The following CTNNA3 variants were observed in gnomAD, a reference collection of about 807,000 sequenced individuals.
The protein encoded by CTNNA3 is catenin alpha-3.
In CTNNA3, 76 loss-of-function variants were observed where a neutral mutation model predicts 95.7. That is an observed-to-expected ratio of 0.79 (90% CI 0.66 to 0.96). The LOEUF is 0.96. Ranked by LOEUF, CTNNA3 falls within the 40% of genes least tolerant of loss-of-function variation. CTNNA3 has a pLI of 0.00. For missense variants in CTNNA3, 1,191 were observed against 1,089.8 expected (o/e 1.09, Z -1.31); for synonymous variants, 431 against 374.4 (o/e 1.15, Z -1.74).
chr10:67,562,911 A>G (rs1441164728), intron 3 of CTNNA3, among the ~76,000 whole-genome samples: 1 of 152,160 alleles, frequency 6.6e-6, no homozygotes, highest in East Asian at 1.9e-4. Flanking sequence ...AGAATAAAAT[A>G]CCTAGGAATC....
intron 6 of CTNNA3, among the ~76,000 whole-genome samples, chr10:67,205,443 T>C (rs1183679419): frequency 1.3e-5 from 2 of 152,196 alleles, no homozygotes; most frequent in African/African-American, 2.4e-5. Context: ...CAAACTCTCA[T>C]ATATTTATAG....
intron 11 of CTNNA3, among the ~76,000 whole-genome samples, chr10:66,395,886 G>A (rs770916950): frequency 4.6e-5 from 7 of 151,874 alleles, no homozygotes; most frequent in African/African-American, 1.2e-4. Flanking sequence ...CATCACCCAC[G>A]TAGCAAAAAT....
intron 7 of CTNNA3, among the ~76,000 whole-genome samples, chr10:66,946,427 C>A (rs1848279615): frequency 6.6e-6 from 1 of 152,046 alleles, no homozygotes; most frequent in Non-Finnish European, 1.5e-5. Context: ...GAGAAAAGTG[C>A]ACATATGGTC....
intron 13 of CTNNA3, among the ~76,000 whole-genome samples, chr10:66,272,155 T>C (rs1254890493): frequency 1.3e-5 from 2 of 152,190 alleles, no homozygotes. Context: ...GCTATTGGCC[T>C]TTTACGAAGT....
chr10:67,008,756 T>C (rs1175740136), intron 7 of CTNNA3, among the ~76,000 whole-genome samples: 1 of 152,162 alleles, frequency 6.6e-6, no homozygotes, highest in East Asian at 1.9e-4. Flanking sequence ...TATTCACAAG[T>C]GGTAGCCTCA....
intron 5 of CTNNA3, among the ~76,000 whole-genome samples, chr10:67,306,131 T>A (rs565194505): frequency 2.0e-5 from 3 of 152,202 alleles, no homozygotes; most frequent in East Asian, 3.9e-4. Flanking sequence ...TTAAAAAAGC[T>A]TAACAGTCAG....
chr10:67,159,365 A>G (rs1365560977), intron 7 of CTNNA3, among the ~76,000 whole-genome samples: 1 of 152,162 alleles, frequency 6.6e-6, no homozygotes, highest in Non-Finnish European at 1.5e-5. Flanking sequence ...AGTGTCTGAG[A>G]GGTTTTGTCT....
chr10:67,259,903 T>C (rs565255275), intron 5 of CTNNA3, among the ~76,000 whole-genome samples: 1 of 152,300 alleles, frequency 6.6e-6, no homozygotes, highest in East Asian at 1.9e-4. Context: ...ACACCTCCTC[T>C]ACTGTTCTGC....
chr10:67,001,567 TTATAA>T (rs1410425088), intron 7 of CTNNA3, among the ~76,000 whole-genome samples: 6 of 152,052 alleles, frequency 3.9e-5, no homozygotes, highest in Non-Finnish European at 7.4e-5. Flanking sequence ...TTAAAAAACC[TTATAA>T]TATATCATTA....
chr10:67,161,012 G>C (rs899393095), intron 7 of CTNNA3, among the ~76,000 whole-genome samples: 2 of 152,146 alleles, frequency 1.3e-5, no homozygotes, highest in African/African-American at 4.8e-5. Flanking sequence ...AGAATGGTGG[G>C]TGCTAGGGGA....
chr10:66,291,251 G>A (rs1291301671), intron 12 of CTNNA3, among the ~76,000 whole-genome samples: 1 of 152,134 alleles, frequency 6.6e-6, no homozygotes, highest in East Asian at 1.9e-4. Flanking sequence ...GTAGTCCTGT[G>A]CAAACAGTAA....
At chr10:67,391,196 C>G (rs375047631) in intron 5 of CTNNA3, among the ~76,000 whole-genome samples, 40 of 152,090 alleles carry the variant, frequency 2.6e-4, no homozygotes, top group Admixed American at 4.6e-4. Context: ...TGATAAGCAA[C>G]TTCAGCAAAG....
At chr10:67,265,003 A>G (rs775172868) in intron 5 of CTNNA3, among the ~76,000 whole-genome samples, 2 of 152,214 alleles carry the variant, frequency 1.3e-5, no homozygotes, top group African/African-American at 2.4e-5. Context: ...CTACTTTAAT[A>G]GGATTTTCTT....
chr10:67,356,533 C>A (rs1244571327), intron 5 of CTNNA3, among the ~76,000 whole-genome samples: 1 of 152,068 alleles, frequency 6.6e-6, no homozygotes, highest in Non-Finnish European at 1.5e-5. Context: ...TTGTAAACTT[C>A]AATGAGCTTG....
At chr10:67,427,829 C>A (rs1006350446) in intron 5 of CTNNA3, among the ~76,000 whole-genome samples, 1 of 151,938 alleles carries the variant, frequency 6.6e-6, no homozygotes, top group Non-Finnish European at 1.5e-5. Flanking sequence ...TGATTCTGGG[C>A]CCAGAAGATG....
At chr10:66,341,942 C>T (rs748542108) in intron 12 of CTNNA3, among the ~76,000 whole-genome samples, 1 of 150,896 alleles carries the variant, frequency 6.6e-6, no homozygotes, top group Admixed American at 6.6e-5. Flanking sequence ...ATGAAGTAGG[C>T]ATCATTATGT....
intron 15 of CTNNA3, among the ~76,000 whole-genome samples, chr10:66,014,252 T>G (rs2133401499): frequency 6.6e-6 from 1 of 152,296 alleles, no homozygotes; most frequent in Non-Finnish European, 1.5e-5. Flanking sequence ...AATTAAACTT[T>G]TTTGAAAGTA....
Position 65,917,146 on chromosome 10 carries a change from A to G in CTNNA3, c.*3184T>C, listed in dbSNP as rs1045299826. The G allele has an allele frequency of 2.0e-5, 3 of 152,188 alleles. No individual in the cohort carries two copies. Among genetic ancestry groups the G allele is most frequent in the African/African-American group, 4.8e-5 (2 of 41,452 alleles). 9.4% of individuals were successfully genotyped at this position (152,188 alleles called of 1,614,324 possible). On this transcript the variant is annotated 3_prime_UTR_variant, in exon 18 of 18. Transcript: ENST00000433211. ...AATATGTTATATTGATCTTATGTTA[A>G]AAGATTTCAAAGGCCAGAAGGCACA...
At chr10:67,594,016 C>A (rs1030183519) in intron 3 of CTNNA3, among the ~76,000 whole-genome samples, 2 of 151,982 alleles carry the variant, frequency 1.3e-5, no homozygotes, top group Non-Finnish European at 2.9e-5. Flanking sequence ...TTGAGATGAT[C>A]GTGTGTTGTC....
Sources: gnomAD v4.1 joint callset for allele counts (sites outside exome capture counted in the v4.1 genomes callset) on GRCh38, gnomAD v4.1.1 for gene constraint, MANE v1.5 for transcripts, NCBI Gene and HGNC (gene_info 2026-07-23, HGNC 2026-07-21) for gene names.